Variants in SPAG9 observed in about 807,000 individuals in gnomAD.
SPAG9 encodes the protein sperm associated antigen 9, also known as C-Jun-amino-terminal kinase-interacting protein 4.
A neutral mutation model predicts 166.5 loss-of-function variants in SPAG9; 35 were observed. The observed-to-expected ratio is 0.21, with a 90% CI of 0.16 to 0.28. The LOEUF is 0.28. SPAG9 is among the 10% of genes least tolerant of loss of function. The probability of loss-of-function intolerance (pLI) is 1.00; values close to 1 mark genes in which losing one functional copy is unlikely to be tolerated. For synonymous variants in SPAG9, 534 were observed against 565.5 expected (o/e 0.94, Z 0.79); for missense variants, 1,235 against 1,603.3 (o/e 0.77, Z 3.92).
chr17:51,082,965 T>C (rs1380978558), intron 1 of SPAG9, among the ~76,000 whole-genome samples: 1 of 152,186 alleles, frequency 6.6e-6, no homozygotes, highest in African/African-American at 2.4e-5. Flanking sequence ...AGATGTCCTC[T>C]CTGGGACATC....
Position 51,007,292 on chromosome 17 carries a change from T to C in SPAG9, c.1248A>G (p.Glu416=). The C allele has an allele frequency of 6.3e-7, 1 of 1,585,368 alleles. No individual in the cohort carries two copies. Among genetic ancestry groups the C allele is most frequent in the Admixed American group, 1.7e-5 (1 of 57,764 alleles). The part of the protein sequence containing the change: ...MGREVENLIL[E]NTQLLETKNA... ...ACTTGGTTTCCAACAGTTGTGTATT[T>C]TCTAATATAAGATTCTCAACTTCCC... Residue 416 remains glutamate (E), a synonymous_variant, in exon 10 of 30, where the codon GAA becomes GAG. Transcript: ENST00000262013.
At chr17:51,064,489 G>A (rs983107936) in intron 2 of SPAG9, among the ~76,000 whole-genome samples, 9 of 152,100 alleles carry the variant, frequency 5.9e-5, no homozygotes, top group African/African-American at 1.7e-4. Flanking sequence ...GGGGTGGAGG[G>A]TATCCCATAA....
intron 6 of SPAG9, among the ~76,000 whole-genome samples, chr17:51,021,771 C>A (rs1047115607): frequency 6.6e-6 from 1 of 152,116 alleles, no homozygotes; most frequent in African/African-American, 2.4e-5. Flanking sequence ...AAATTCTTAA[C>A]CTCGGGTATC....
intron 27 of SPAG9, among the ~76,000 whole-genome samples, chr17:50,976,434 A>G (rs1974212493): frequency 6.6e-6 from 1 of 152,206 alleles, no homozygotes; most frequent in African/African-American, 2.4e-5. Flanking sequence ...AATACCTTCT[A>G]GTCTTTCTCC....
intron 6 of SPAG9, among the ~76,000 whole-genome samples, chr17:51,021,735 T>C (rs943259985): frequency 6.6e-6 from 1 of 152,190 alleles, no homozygotes; most frequent in African/African-American, 2.4e-5. Flanking sequence ...CTGTAATAGC[T>C]GATCTAAAAC....
chr17:51,070,095 C>G (rs2047782425), intron 2 of SPAG9, among the ~76,000 whole-genome samples: 1 of 149,176 alleles, frequency 6.7e-6, no homozygotes, highest in Admixed American at 6.7e-5. Flanking sequence ...AAAAAAAAAA[C>G]CTGTACTCCC....
intron 1 of SPAG9, among the ~76,000 whole-genome samples, chr17:51,112,666 C>A (rs2049147663): frequency 1.1e-5 from 1 of 87,298 alleles, no homozygotes. Context: ...CAGACTCTGT[C>A]TCAACAAAAA....
intron 2 of SPAG9, among the ~76,000 whole-genome samples, chr17:51,077,072 A>AGC (rs1291492833): frequency 6.7e-5 from 8 of 119,296 alleles, no homozygotes; most frequent in African/African-American, 1.0e-4. Flanking sequence ...CTAGCTAGCT[A>AGC]TCTAGCTATC....
chr17:51,082,092 C>T (rs1179573123), intron 1 of SPAG9, among the ~76,000 whole-genome samples: 1 of 151,918 alleles, frequency 6.6e-6, no homozygotes, highest in Admixed American at 6.6e-5. Flanking sequence ...AACTGTGATA[C>T]CAGGCCAGGC....
chr17:50,990,765 G>T, intron 19 of SPAG9, 97 bp from the exon 20 acceptor site: 1 of 912,914 alleles, frequency 1.1e-6, no homozygotes, highest in Non-Finnish European at 1.7e-6. Flanking sequence ...AGTTATGCAG[G>T]TGAGATGTAC....
At position 50,962,462 on chromosome 17, in the gene SPAG9, T is replaced by C. The variant is rs887660009; in HGVS notation, c.*3810A>G. 1.5e-4 allele frequency: 23 copies of C among 152,220 alleles called. 1 individual carries two copies. Among genetic ancestry groups the C allele is most frequent in the Admixed American group, 1.3e-4 (2 of 15,280 alleles). 9.4% of individuals were successfully genotyped at this position (152,220 alleles called of 1,614,324 possible). A position where few individuals can be genotyped will look rare whatever the true frequency, so the allele number is the denominator to read the frequency against. On this transcript the variant is annotated 3_prime_UTR_variant, in exon 30 of 30. Coordinates refer to ENST00000262013, the MANE Select transcript of SPAG9 (RefSeq NM_001130528.3). ...ATAGAGAAATGTATGACAAAATTAA[T>C]AAAACTTAATCTTTTAAGAGAAAAG... is the stretch of plus-strand genomic sequence containing the variant.
At chr17:50,993,330 A>G (rs1227471981) in intron 19 of SPAG9, among the ~76,000 whole-genome samples, 1 of 151,336 alleles carries the variant, frequency 6.6e-6, no homozygotes, top group Non-Finnish European at 1.5e-5. Flanking sequence ...AAAAAAAAAA[A>G]AAAAAAGTAG....
rs921644574 is a variant in SPAG9 at position 51,120,836 on chromosome 17, G to A, written c.-180C>T. ...GGAGGAGGGGAGGGGTGGCGTAGGC[G>A]CTCTCACCCCAACCGCCGCTGCACC... On this transcript the variant is annotated 5_prime_UTR_variant, in exon 1 of 30. Transcript: ENST00000262013. The surrounding 1 kb of genome is among the most constrained non-coding windows in gnomAD (Gnocchi z 4.7). The A allele has an allele frequency of 9.2e-5, 38 of 412,452 alleles. 1 individual carries two copies. The Middle Eastern group carries it at 3.2e-3, about 35-fold the overall frequency. The allele number at this position is 412,452 out of a possible 1,614,324, so 25.5% of individuals were successfully genotyped here. A position where few individuals can be genotyped will look rare whatever the true frequency, so the allele number is the denominator to read the frequency against.
intron 6 of SPAG9, among the ~76,000 whole-genome samples, chr17:51,024,246 C>T (rs2046064949): frequency 2.0e-5 from 3 of 151,532 alleles, no homozygotes; most frequent in African/African-American, 4.9e-5. Context: ...GGGGATAGAG[C>T]GAGACTCTCT....
intron 19 of SPAG9, 141 bp from the exon 20 acceptor site, chr17:50,990,809 T>A: frequency 1.6e-6 from 1 of 617,756 alleles, no homozygotes. Context: ...TAAATTTACA[T>A]AAACAAATCT....
intron 6 of SPAG9, among the ~76,000 whole-genome samples, chr17:51,025,261 T>G (rs942837108): frequency 1.6e-5 from 2 of 127,646 alleles, no homozygotes; most frequent in Admixed American, 1.0e-4. Context: ...GAGGCTGCAG[T>G]GAGCCAAAAT....
intron 3 of SPAG9, among the ~76,000 whole-genome samples, chr17:51,052,803 A>C (rs1468599009): frequency 6.6e-6 from 1 of 151,158 alleles, no homozygotes; most frequent in Non-Finnish European, 1.5e-5. Flanking sequence ...TCACGCCTGT[A>C]ATCCCAGCTC....
At chr17:51,053,610 A>C (rs888745834) in intron 3 of SPAG9, among the ~76,000 whole-genome samples, 1 of 151,340 alleles carries the variant, frequency 6.6e-6, no homozygotes, top group Non-Finnish European at 1.5e-5. Flanking sequence ...GCTTGAACCC[A>C]GGAGGCGGAG....
chr17:50,985,187 A>G (rs1240233008), intron 23 of SPAG9, among the ~76,000 whole-genome samples, 197 bp from the exon 24 acceptor site: 1 of 152,196 alleles, frequency 6.6e-6, no homozygotes, highest in Non-Finnish European at 1.5e-5. Flanking sequence ...AACTAAATAA[A>G]CAGTATGAAT....
Sources: allele counts gnomAD v4.1 joint callset (sites outside exome capture counted in the v4.1 genomes callset), GRCh38; gene constraint gnomAD v4.1.1; non-coding constraint Gnocchi (gnomAD v3.1); transcripts MANE v1.5; gene names NCBI Gene and HGNC (gene_info 2026-07-23, HGNC 2026-07-21).